ASTN1: variants seen among roughly 807,000 people sequenced by gnomAD.
ASTN1 encodes astrotactin 1, also known as astrotactin-1.
A neutral mutation model predicts 140.7 loss-of-function variants in ASTN1; 41 were observed. The ratio of observed to expected loss-of-function variants is 0.29; its 90% CI spans 0.23 to 0.38. The LOEUF (loss-of-function observed/expected upper bound fraction) is 0.38, where lower values mean the gene tolerates loss of function less well. Among genes scored for constraint, ASTN1 ranks in the 10% least tolerant of loss-of-function variants. The pLI is 1.00. For missense variants in ASTN1, 1,479 were observed against 1,678.8 expected, an observed-to-expected ratio of 0.88 and a Z score of 2.08; for synonymous variants, 640 against 652.2, an observed-to-expected ratio of 0.98 and a Z score of 0.29.
intron 8 of ASTN1, among the ~76,000 whole-genome samples, chr1:176,991,436 C>CAAAAA (rs1173420812): frequency 7.2e-5 from 1 of 13,834 alleles, no homozygotes; most frequent in Non-Finnish European, 1.5e-4. Flanking sequence ...AAAAAAAAAC[C>CAAAAA]AAAAAAAAAA....
At chr1:177,023,635 G>A (rs7552093) in intron 6 of ASTN1, 64 bp from the exon 7 acceptor site, 87 of 1,447,596 alleles carry the variant, frequency 6.0e-5, no homozygotes, top group Middle Eastern at 2.6e-4. Flanking sequence ...ACAAGCCACC[G>A]AAGACAAGGA....
In ASTN1 at chr1:177,117,355, AC is replaced by A. The variant is rs768453476; in HGVS notation, c.283+47038del. On this transcript the variant is annotated intron_variant, in intron 1 of 22. Transcript: ENST00000361833. ...CATTTGCTAGAATCTCCTGCATGAA[AC>A]CCTTCCAGTTCCCTAACTCTCACAT... Among the ~76,000 whole-genome samples, 24 of 151,806 alleles carry A rather than the reference AC, an allele frequency of 1.6e-4. No homozygotes were observed. In the South Asian group the frequency reaches 1.7e-3, roughly 11 times the overall value.
intron 1 of ASTN1, among the ~76,000 whole-genome samples, chr1:177,107,246 G>A (rs970846005): frequency 6.6e-6 from 1 of 152,144 alleles, no homozygotes; most frequent in African/African-American, 2.4e-5. Flanking sequence ...AGGGTTCATA[G>A]CTCAGGTTAA....
intron 8 of ASTN1, among the ~76,000 whole-genome samples, chr1:176,972,660 G>T (rs1673188904): frequency 6.6e-6 from 1 of 151,772 alleles, no homozygotes. Context: ...CACCATGCTT[G>T]GCCTCAAACT....
At position 176,862,771 on chromosome 1, in the gene ASTN1, C is replaced by T; in HGVS notation, c.*1513G>A. The T allele has an allele frequency of 2.1e-6, 2 of 972,804 alleles. No homozygotes were observed. The highest frequency in any genetic ancestry group is 1.2e-6 in the Non-Finnish European group (1 of 818,450). The allele number at this position is 972,804 out of a possible 1,614,324, so 60.3% of individuals were successfully genotyped here. A position where few individuals can be genotyped will look rare whatever the true frequency, so the allele number is the denominator to read the frequency against. On this transcript the variant is annotated 3_prime_UTR_variant, in exon 23 of 23. Coordinates refer to ENST00000361833, the MANE Select transcript of ASTN1 (RefSeq NM_004319.3). ...TGAGAATTCAATGATACCTAAAGTG[C>T]TTACATCAGCGCCTGGCATACAGCA... is the stretch of plus-strand genomic sequence containing the variant.
At chr1:176,860,500 A>G (rs956352568), downstream of ASTN1, among the ~76,000 whole-genome samples, 6 of 152,246 alleles carry the variant, frequency 3.9e-5, no homozygotes, top group Admixed American at 2.6e-4. Context: ...AGAAAGAAAG[A>G]GATTACGTAT....
At position 176,864,506 on chromosome 1, in the gene ASTN1, G is replaced by A. The variant is rs199889735; in HGVS notation, c.3663C>T (p.Ile1221=). The change falls in exon 23 of 23, where the codon ATC becomes ATT. Residue 1221 remains isoleucine, a synonymous_variant. Coordinates refer to ENST00000361833, the MANE Select transcript of ASTN1 (RefSeq NM_004319.3). ...DELGPRKAGL[I]LSQLGDLSSW... Reference sequence around the variant, plus strand: ...TGCTGAGGTCCCCAAGCTGGGAAAGGATGAGACCAGCTTTCCTATGGATCA... The same window carrying A: ...TGCTGAGGTCCCCAAGCTGGGAAAGAATGAGACCAGCTTTCCTATGGATCA... The A allele has an allele frequency of 4.1e-4, 662 of 1,614,018 alleles. 4 individuals carry two copies. The highest frequency in any genetic ancestry group is 1.8e-4 in the Non-Finnish European group (207 of 1,179,920).
intron 1 of ASTN1, among the ~76,000 whole-genome samples, chr1:177,074,727 GT>G: frequency 6.6e-6 from 1 of 152,184 alleles, no homozygotes; most frequent in Non-Finnish European, 1.5e-5. Context: ...ATGCACGTAT[GT>G]GTTTTATGCA....
At chr1:176,989,143 G>A (rs892936409) in intron 8 of ASTN1, among the ~76,000 whole-genome samples, 4 of 152,146 alleles carry the variant, frequency 2.6e-5, no homozygotes, top group Admixed American at 1.3e-4. Flanking sequence ...AATTGGATTC[G>A]GGGAAGTAAA....
intron 14 of ASTN1, among the ~76,000 whole-genome samples, chr1:176,940,217 C>T (rs952988727): frequency 5.3e-5 from 8 of 152,096 alleles, no homozygotes; most frequent in African/African-American, 1.4e-4. Flanking sequence ...ACTCACAATC[C>T]GCAGCAACCA....
At chr1:176,906,832 A>T (rs12133126) in intron 16 of ASTN1, among the ~76,000 whole-genome samples, 24,162 of 146,918 alleles carry the variant, frequency 0.16, 2,467 homozygotes, top group Middle Eastern at 0.27. Flanking sequence ...TGACAGAGTG[A>T]GACTCTCTCT....
intron 16 of ASTN1, among the ~76,000 whole-genome samples, chr1:176,901,963 C>T (rs1408945749): frequency 2.0e-5 from 3 of 151,952 alleles, no homozygotes; most frequent in Admixed American, 6.6e-5. Flanking sequence ...TGCTTCAGAC[C>T]CTGTTCTTTG....
chr1:177,091,158 C>A (rs186947694), intron 1 of ASTN1, among the ~76,000 whole-genome samples: 37 of 152,302 alleles, frequency 2.4e-4, no homozygotes, highest in Non-Finnish European at 4.4e-4. Flanking sequence ...TGAAACACAG[C>A]AACCAGAACT....
intron 9 of ASTN1, among the ~76,000 whole-genome samples, chr1:176,960,387 A>G (rs1672607180): frequency 6.6e-6 from 1 of 152,228 alleles, no homozygotes; most frequent in Non-Finnish European, 1.5e-5. Context: ...AAATTACAAT[A>G]TCTGCATTGA....
intron 1 of ASTN1, among the ~76,000 whole-genome samples, chr1:177,115,882 A>G (rs1681063495): frequency 6.6e-6 from 1 of 152,166 alleles, no homozygotes; most frequent in Admixed American, 6.5e-5. Context: ...ATTTAATTTT[A>G]TAAAAATTGT....
At position 176,934,157 on chromosome 1, in the gene ASTN1, C is replaced by A; in HGVS notation, c.2666G>T (p.Ser889Ile). ...CCAACAAGCATGCCACTCACCTTTA[C>A]TGATGTCTTCATACTCCAGCCAGAG... The part of the protein sequence containing the change: ...RRLWLEYEDI[S>I]KGNSPSDESE... Residue 889 changes from serine to isoleucine, a missense_variant, in exon 16 of 23, where the codon AGT becomes ATT. Physicochemically the swap from Ser to Ile is moderately radical, Grantham distance 142. This residue lies in a region of ASTN1 where 746 missense variants were observed against 800.9 expected (regional missense o/e 0.93). Transcript: ENST00000361833. The A allele has an allele frequency of 6.2e-7, 1 of 1,609,162 alleles. No individual in the cohort carries two copies. Among genetic ancestry groups the A allele is most frequent in the African/African-American group, 1.3e-5 (1 of 74,938 alleles).
intron 8 of ASTN1, among the ~76,000 whole-genome samples, chr1:177,013,947 G>A (rs536167519): frequency 6.6e-6 from 1 of 152,034 alleles, no homozygotes; most frequent in African/African-American, 2.4e-5. Context: ...TTGGGAGGCT[G>A]AGGTGGGAGG....
chr1:177,116,746 A>G (rs2102169190), intron 1 of ASTN1, among the ~76,000 whole-genome samples: 1 of 152,242 alleles, frequency 6.6e-6, no homozygotes, highest in Admixed American at 6.5e-5. Context: ...TGCTGGTCAC[A>G]TCCTCAGTCA....
At chr1:177,143,784 A>G in intron 1 of ASTN1, among the ~76,000 whole-genome samples, 1 of 152,228 alleles carries the variant, frequency 6.6e-6, no homozygotes, top group Non-Finnish European at 1.5e-5. Flanking sequence ...ATGTTTAAAT[A>G]TTATAGTTTT....
Sources: gnomAD v4.1 joint callset for allele counts (sites outside exome capture counted in the v4.1 genomes callset) on GRCh38, gnomAD v4.1.1 for gene constraint, gnomAD v4.1.1 regional missense constraint, MANE v1.5 for transcripts, NCBI Gene and HGNC (gene_info 2026-07-23, HGNC 2026-07-21) for gene names.